The following CAMK1D variants were observed in gnomAD, a reference collection of about 807,000 sequenced individuals.
The protein encoded by CAMK1D is calcium/calmodulin dependent protein kinase ID.
Under a neutral mutation model 47.7 loss-of-function variants are expected in CAMK1D, and 9 were observed. That is an observed-to-expected ratio of 0.19 (90% confidence interval 0.11 to 0.33). CAMK1D has a LOEUF of 0.33. Ranked by LOEUF, CAMK1D falls within the 10% of genes least tolerant of loss-of-function variation. CAMK1D has a pLI of 1.00. For synonymous variants in CAMK1D, 184 were observed against 184.9 expected, an observed-to-expected ratio of 0.99 and a Z score of 0.04; for missense variants, 291 against 488.7, an observed-to-expected ratio of 0.60 and a Z score of 3.81.
chr10:12,796,060 T>C (rs1408735535), intron 6 of CAMK1D, among the ~76,000 whole-genome samples: 4 of 152,230 alleles, frequency 2.6e-5, no homozygotes, highest in Non-Finnish European at 4.4e-5. Context: ...TGTGATAACA[T>C]GCGGCCCGCC....
chr10:12,727,702 T>C (rs1407956116), intron 3 of CAMK1D, among the ~76,000 whole-genome samples: 2 of 151,954 alleles, frequency 1.3e-5, no homozygotes, highest in East Asian at 3.9e-4. Context: ...TCACAATATA[T>C]CATAGGATGC....
chr10:12,595,113 G>A (rs927484904), intron 2 of CAMK1D, among the ~76,000 whole-genome samples: 1 of 151,952 alleles, frequency 6.6e-6, no homozygotes, highest in Non-Finnish European at 1.5e-5. Flanking sequence ...AGGCTGAAGA[G>A]GGCAGATCAT....
At chr10:12,361,323 T>A (rs1837655001) in intron 1 of CAMK1D, among the ~76,000 whole-genome samples, 1 of 150,452 alleles carries the variant, frequency 6.6e-6, no homozygotes, top group Non-Finnish European at 1.5e-5. Flanking sequence ...CTTGGCTCAC[T>A]GCAATCTCTG....
At chr10:12,469,092 A>C (rs947850353) in intron 1 of CAMK1D, among the ~76,000 whole-genome samples, 3 of 152,036 alleles carry the variant, frequency 2.0e-5, no homozygotes, top group Non-Finnish European at 4.4e-5. Flanking sequence ...AGCTCCCCGG[A>C]TAAAGAGGAA....
chr10:12,735,105 T>C (rs927990006), intron 3 of CAMK1D, among the ~76,000 whole-genome samples: 5 of 152,252 alleles, frequency 3.3e-5, no homozygotes, highest in African/African-American at 1.2e-4. Context: ...CTGCTTTTCA[T>C]AGGTCTTCCT....
At chr10:12,361,968 A>AC (rs1022634278) in intron 1 of CAMK1D, among the ~76,000 whole-genome samples, 3 of 150,296 alleles carry the variant, frequency 2.0e-5, no homozygotes, top group Non-Finnish European at 1.5e-5. Flanking sequence ...AGCCTCCCCT[A>AC]CCCCCCGCCG....
At chr10:12,726,084 CT>C (rs1564519035) in intron 3 of CAMK1D, among the ~76,000 whole-genome samples, 1 of 151,648 alleles carries the variant, frequency 6.6e-6, no homozygotes, top group Non-Finnish European at 1.5e-5. Context: ...GACTATTTCT[CT>C]TTTTACTTAA....
intron 6 of CAMK1D, among the ~76,000 whole-genome samples, chr10:12,810,422 C>G (rs545074672): frequency 1.3e-5 from 2 of 152,152 alleles, no homozygotes; most frequent in East Asian, 3.9e-4. Flanking sequence ...TTACAGGCAC[C>G]TGCCACCACG....
At chr10:12,577,538 C>A (rs949186608) in intron 2 of CAMK1D, among the ~76,000 whole-genome samples, 1 of 152,180 alleles carries the variant, frequency 6.6e-6, no homozygotes, top group African/African-American at 2.4e-5. Context: ...CTGTTTCTGC[C>A]ATTATTACTA....
intron 1 of CAMK1D, among the ~76,000 whole-genome samples, chr10:12,350,844 G>A (rs982907296): frequency 1.3e-5 from 2 of 152,230 alleles, no homozygotes; most frequent in Non-Finnish European, 2.9e-5. Flanking sequence ...CTCTGCATCA[G>A]TATCTGTCAG....
intron 6 of CAMK1D, among the ~76,000 whole-genome samples, chr10:12,798,724 G>A (rs1838299445): frequency 6.6e-6 from 1 of 152,202 alleles, no homozygotes; most frequent in Non-Finnish European, 1.5e-5. Flanking sequence ...TAGAAACATA[G>A]TGTTTAAAAT....
At chr10:12,522,503 C>A (rs1168066361) in intron 1 of CAMK1D, among the ~76,000 whole-genome samples, 2 of 151,558 alleles carry the variant, frequency 1.3e-5, no homozygotes, top group African/African-American at 2.4e-5. Flanking sequence ...TCAGAGAGCA[C>A]AGGGTTGGGG....
chr10:12,511,410 G>T (rs1835034647), intron 1 of CAMK1D, among the ~76,000 whole-genome samples: 1 of 152,090 alleles, frequency 6.6e-6, no homozygotes, highest in Non-Finnish European at 1.5e-5. Context: ...AGACCAGCCT[G>T]GGCAACACAG....
intron 1 of CAMK1D, among the ~76,000 whole-genome samples, chr10:12,362,586 C>T (rs1837702388): frequency 6.6e-6 from 1 of 152,160 alleles, no homozygotes; most frequent in Non-Finnish European, 1.5e-5. Context: ...CAAGCTCCGC[C>T]TCCCGGGTTC....
intron 1 of CAMK1D, among the ~76,000 whole-genome samples, chr10:12,520,067 C>A (rs1835354494): frequency 1.3e-5 from 1 of 76,662 alleles, no homozygotes; most frequent in African/African-American, 5.2e-5. Flanking sequence ...GGGTGGGGGG[C>A]TGACCCCCCC....
intron 3 of CAMK1D, among the ~76,000 whole-genome samples, chr10:12,693,593 C>T (rs1210561351): frequency 6.6e-6 from 1 of 151,882 alleles, no homozygotes; most frequent in African/African-American, 2.4e-5. Context: ...AATTGTACCA[C>T]TGCACTCCAA....
rs73587022 is a variant in CAMK1D at position 12,372,379 on chromosome 10, T to C, written c.92+22469T>C. Among the ~76,000 whole-genome samples, 428 of 152,342 alleles carry C rather than the reference T, an allele frequency of 2.8e-3. 1 individual carries two copies. The highest frequency in any genetic ancestry group is 0.01 in the African/African-American group (417 of 41,588). ...GTTGAGTAACTTGGCCAAGGTCACA[T>C]AGACCTATCTGTCTTGAAGAATTGG... On this transcript the variant is annotated intron_variant, in intron 1 of 10. Coordinates refer to ENST00000619168, the MANE Select transcript of CAMK1D (RefSeq NM_153498.4).
chr10:12,561,223 C>T (rs185030490), intron 2 of CAMK1D, among the ~76,000 whole-genome samples: 2 of 152,112 alleles, frequency 1.3e-5, no homozygotes, highest in East Asian at 3.9e-4. Context: ...CCATGCAATC[C>T]CCATAAAACA....
intron 1 of CAMK1D, among the ~76,000 whole-genome samples, chr10:12,370,505 G>A (rs1241339695): frequency 1.3e-5 from 2 of 152,152 alleles, no homozygotes; most frequent in African/African-American, 2.4e-5. Flanking sequence ...AGCTCCATGC[G>A]TGATACTGTG....
Sources: allele counts gnomAD v4.1 joint callset (sites outside exome capture counted in the v4.1 genomes callset), GRCh38; gene constraint gnomAD v4.1.1; transcripts MANE v1.5; gene names NCBI Gene and HGNC (gene_info 2026-07-23, HGNC 2026-07-21).